Variants in ITIH4 observed in about 807,000 individuals in gnomAD.
ITIH4 encodes inter-alpha-trypsin inhibitor heavy chain H4.
A neutral mutation model predicts 111.8 loss-of-function variants in ITIH4; 79 were observed. The observed-to-expected ratio is 0.71, with a 90% CI of 0.59 to 0.85. The LOEUF (loss-of-function observed/expected upper bound fraction) is 0.85, where lower values mean the gene tolerates loss of function less well. ITIH4 is among the 40% of genes least tolerant of loss of function. ITIH4 has a pLI of 0.00. For missense variants in ITIH4, 1,065 were observed against 1,195.8 expected, an observed-to-expected ratio of 0.89 and a Z score of 1.61; for synonymous variants, 472 against 468.3, an observed-to-expected ratio of 1.01 and a Z score of -0.10.
intron 11 of ITIH4, 87 bp from the exon 12 acceptor site, chr3:52,821,217 G>T: frequency 6.7e-7 from 1 of 1,487,022 alleles, no homozygotes; most frequent in Non-Finnish European, 9.1e-7. Context: ...CCATGATTGG[G>T]GCTGGGGCAG....
At chr3:52,827,030 G>GCCTTA (rs1700492207) in intron 3 of ITIH4, 63 bp downstream of exon 3, 1 of 1,611,286 alleles carries the variant, frequency 6.2e-7, no homozygotes. Context: ...CAGGACTAAG[G>GCCTTA]GCCAAAGGCA....
chr3:52,821,158 G>A (rs372656836), intron 11 of ITIH4, 28 bp from the exon 12 acceptor site: 7 of 1,604,816 alleles, frequency 4.4e-6, no homozygotes, highest in African/African-American at 1.3e-5. Context: ...GCCAGGGCAG[G>A]AGCAGTGAGG....
At chr3:52,816,462 G>A (rs778959937) in intron 21 of ITIH4, among the ~76,000 whole-genome samples, 13 of 152,188 alleles carry the variant, frequency 8.5e-5, no homozygotes, top group Non-Finnish European at 1.8e-4. Context: ...CTGTCCTGTG[G>A]GGTGCTTGGG....
chr3:52,819,940 C>A lies in ITIH4; in HGVS notation c.1912G>T (p.Glu638Ter), dbSNP rs1700348544. The A allele has an allele frequency of 6.2e-7, 1 of 1,613,890 alleles. No individual in the cohort carries two copies. Among genetic ancestry groups the A allele is most frequent in the Non-Finnish European group, 8.5e-7 (1 of 1,179,804 alleles). ...YLQGAKIPKP[E>*]ASFSPRRGWN... The stretch of plus-strand genomic sequence containing the variant: ...CTCCCCCCACCTCCTACTTTGTCAC[C>A]TGGTTTTGGTATTTTTGCTCCCTGG... The change falls in exon 15 of 24, where the codon GAG becomes TAG. Residue 638 changes from glutamate (E) to a stop codon, truncating the protein, a stop_gained and splice_region_variant. Coordinates refer to ENST00000266041, the MANE Select transcript of ITIH4 (RefSeq NM_002218.5). LOFTEE classifies it high-confidence loss of function.
Position 52,824,627 on chromosome 3 carries a change from G to C in ITIH4, c.877-62C>G, listed in dbSNP as rs145008380. 2 of 1,525,826 alleles carry C rather than the reference G, an allele frequency of 1.3e-6. No individual in the cohort carries two copies. The highest frequency in any genetic ancestry group is 4.5e-5 in the East Asian group (2 of 44,184). 94.5% of individuals were successfully genotyped at this position (1,525,826 alleles called of 1,614,324 possible). A position where few individuals can be genotyped will look rare whatever the true frequency, so the allele number is the denominator to read the frequency against. On this transcript the variant is annotated intron_variant, in intron 7 of 23. Coordinates refer to ENST00000266041, the MANE Select transcript of ITIH4 (RefSeq NM_002218.5). The surrounding 1 kb of genome is among the most constrained non-coding windows in gnomAD (Gnocchi z 4.3). ...GCTCCCTGAGGGCTCGTGTGCCCTA[G>C]GGCTGGCATCCTTGGACTCCTGTCT...
At position 52,824,638 on chromosome 3, in the gene ITIH4, C is replaced by T. The variant is rs1382732640; in HGVS notation, c.877-73G>A. On this transcript the variant is annotated intron_variant, in intron 7 of 23. Transcript: ENST00000266041. The surrounding 1 kb of genome is among the most constrained non-coding windows in gnomAD (Gnocchi z 4.3). ...GCTCGTGTGCCCTAGGGCTGGCATC[C>T]TTGGACTCCTGTCTCAGGGGTGAGG... 6.7e-7 allele frequency: 1 copy of T among 1,483,390 alleles called. No individual in the cohort carries two copies. Among genetic ancestry groups the T allele is most frequent in the Admixed American group, 1.9e-5 (1 of 53,494 alleles). 91.9% of individuals were successfully genotyped at this position (1,483,390 alleles called of 1,614,324 possible).
chr3:52,822,146 A>C (rs1700392606), intron 11 of ITIH4: 1 of 152,218 alleles, frequency 6.6e-6, no homozygotes, highest in Admixed American at 6.5e-5. Flanking sequence ...GACCGAGACC[A>C]TCCTGGCTAA....
At chr3:52,825,499 G>A (rs1292489015) in intron 6 of ITIH4, among the ~76,000 whole-genome samples, 2 of 151,744 alleles carry the variant, frequency 1.3e-5, no homozygotes, top group African/African-American at 4.8e-5. Context: ...TAGGGAGGCC[G>A]AGGCAGGAGT....
intron 2 of ITIH4, 41 bp from the exon 3 acceptor site, chr3:52,827,238 AG>A: frequency 6.6e-7 from 1 of 1,520,456 alleles, no homozygotes. Flanking sequence ...GCCTGGTGGC[AG>A]GGGCCCATTC....
In ITIH4 at chr3:52,824,730, C is replaced by T. The variant is rs887555004; in HGVS notation, c.876+112G>A. ...GGCCAACCTTGGTTCCTGAGAGCCA[C>T]CCGCCCCATGGTGCCGAAAGGTGAA... is the stretch of plus-strand genomic sequence containing the variant. On this transcript the variant is annotated intron_variant, in intron 7 of 23. Transcript: ENST00000266041. This position sits in a 1 kb window ranked among gnomAD's most constrained non-coding sequence, Gnocchi z 4.3. The T allele has an allele frequency of 4.8e-6, 6 of 1,242,776 alleles. No individual in the cohort carries two copies. Among genetic ancestry groups the T allele is most frequent in the South Asian group, 4.2e-5 (3 of 71,032 alleles). 77.0% of individuals were successfully genotyped at this position (1,242,776 alleles called of 1,614,324 possible). A position where few individuals can be genotyped will look rare whatever the true frequency, so the allele number is the denominator to read the frequency against.
intron 20 of ITIH4, 108 bp from the exon 21 acceptor site, chr3:52,817,166 C>T (rs889279387): frequency 2.3e-6 from 2 of 885,770 alleles, no homozygotes; most frequent in Non-Finnish European, 3.5e-6. Flanking sequence ...TGCAGCAGCT[C>T]CCTCCCTCAT....
intron 1 of ITIH4, 35 bp from the exon 2 acceptor site, chr3:52,829,314 T>G: frequency 2.5e-6 from 4 of 1,581,388 alleles, no homozygotes; most frequent in Non-Finnish European, 3.5e-6. Context: ...TTGCAGGGTT[T>G]CAATGCCACC....
chr3:52,813,546 C>G (rs142130903), intron 23 of ITIH4, 56 bp from the exon 24 acceptor site: 2 of 1,485,556 alleles, frequency 1.3e-6, no homozygotes, highest in Non-Finnish European at 1.9e-6. Flanking sequence ...AGGTGTGGTG[C>G]GAAAAGAGGG....
rs1243014339 is a variant in ITIH4, at chr3:52,824,107, C to T, written c.1171+83G>A. On this transcript the variant is annotated intron_variant, in intron 9 of 23. Coordinates refer to ENST00000266041, the MANE Select transcript of ITIH4 (RefSeq NM_002218.5). This position sits in a 1 kb window ranked among gnomAD's most constrained non-coding sequence, Gnocchi z 4.3. ...GGGCCTCAGTGACCCCCTCTCCCTGCCCAGATCCCACAGCAAGCCCAGGTG... is the reference window on the plus strand; with the variant it reads ...GGGCCTCAGTGACCCCCTCTCCCTGTCCAGATCCCACAGCAAGCCCAGGTG... The T allele has an allele frequency of 5.0e-6, 8 of 1,585,608 alleles. No homozygotes were observed. The highest frequency in any genetic ancestry group is 6.9e-6 in the Non-Finnish European group (8 of 1,161,940).
Position 52,824,177 on chromosome 3 carries a change from G to A in ITIH4, c.1171+13C>T, listed in dbSNP as rs1276389466. 1.2e-6 allele frequency: 2 copies of A among 1,612,536 alleles called. No homozygotes were observed. The highest frequency in any genetic ancestry group is 1.7e-6 in the Non-Finnish European group (2 of 1,179,538). Reference sequence around the variant, plus strand: ...TGTGCAGCACGTCCTGGAGTCACGGGCAGGGCCCTCACCCACAGTGGGGTC... The same window carrying A: ...TGTGCAGCACGTCCTGGAGTCACGGACAGGGCCCTCACCCACAGTGGGGTC... On this transcript the variant is annotated intron_variant, in intron 9 of 23. Transcript: ENST00000266041. The surrounding 1 kb of genome is among the most constrained non-coding windows in gnomAD (Gnocchi z 4.3).
chr3:52,827,270 A>C, intron 2 of ITIH4, 73 bp from the exon 3 acceptor site: 2 of 1,235,508 alleles, frequency 1.6e-6, no homozygotes, highest in Non-Finnish European at 2.4e-6. Flanking sequence ...TCCTCCAGAG[A>C]GCCTTTCTGG....
At chr3:52,823,295 C>G (rs1423097752) in intron 11 of ITIH4, 14 of 468,672 alleles carry the variant, frequency 3.0e-5, no homozygotes, top group Non-Finnish European at 3.8e-6. Flanking sequence ...GGTACCAGGA[C>G]AGGAAGGGAT....
rs1700435227 is a variant in ITIH4, at chr3:52,823,826, G to A, written c.1350C>T (p.Leu450=). 14 of 1,613,806 alleles carry A rather than the reference G, an allele frequency of 8.7e-6. No homozygotes were observed. Among genetic ancestry groups the A allele is most frequent in the Non-Finnish European group, 1.1e-5 (13 of 1,179,998 alleles). The change falls in exon 10 of 24, where the codon CTC becomes CTT. Residue 450 remains leucine, a synonymous_variant. Transcript: ENST00000266041. The stretch of plus-strand genomic sequence containing the variant: ...CCCACCTGGGGCACACTGGCACCTG[G>A]AGCTGCAGGGCAGAGTCTGAGTCCT... ...IHEDSDSALQ[L]QDFYQEVANP...
rs932763569 is a variant in ITIH4, at chr3:52,824,788, T to C, written c.876+54A>G. The C allele has an allele frequency of 1.6e-5, 23 of 1,422,172 alleles. No homozygotes were observed. Among genetic ancestry groups the C allele is most frequent in the African/African-American group, 4.3e-5 (3 of 70,270 alleles). The allele number at this position is 1,422,172 out of a possible 1,614,324, so 88.1% of individuals were successfully genotyped here. ...GGTCTGCCTGCCGGACCACAGCTGATAGCGTGAAGGGCCTGGGAGTTTTCA... is the reference window on the plus strand; with the variant it reads ...GGTCTGCCTGCCGGACCACAGCTGACAGCGTGAAGGGCCTGGGAGTTTTCA... On this transcript the variant is annotated intron_variant, in intron 7 of 23. Transcript: ENST00000266041. The surrounding 1 kb of genome is among the most constrained non-coding windows in gnomAD (Gnocchi z 4.3).
Sources: gnomAD v4.1 joint callset for allele counts (sites outside exome capture counted in the v4.1 genomes callset) on GRCh38, gnomAD v4.1.1 for gene constraint, Gnocchi (gnomAD v3.1) non-coding constraint, MANE v1.5 for transcripts, NCBI Gene and HGNC (gene_info 2026-07-23, HGNC 2026-07-21) for gene names.